MYOM1: variants seen among roughly 807,000 people sequenced by gnomAD.
The protein encoded by MYOM1 is myomesin-1.
In MYOM1, 164 loss-of-function variants were observed where a neutral mutation model predicts 205.3. The observed-to-expected ratio is 0.80, with a 90% CI of 0.70 to 0.91. The LOEUF (loss-of-function observed/expected upper bound fraction) is 0.91. Ranked by LOEUF, MYOM1 falls within the 40% of genes least tolerant of loss-of-function variation. The pLI is 0.00. For missense variants in MYOM1, 2,011 were observed against 2,127.3 expected (o/e 0.95, Z 1.08); for synonymous variants, 772 against 789.4 (o/e 0.98, Z 0.37).
intron 5 of MYOM1, among the ~76,000 whole-genome samples, chr18:3,182,100 T>C (rs983422415): frequency 6.6e-6 from 1 of 152,080 alleles, no homozygotes; most frequent in African/African-American, 2.4e-5. Flanking sequence ...GTGTCCAACA[T>C]ATAGATATGA....
the MYOM1 span, among the ~76,000 whole-genome samples, chr18:3,225,102 C>T: frequency 1.3e-5 from 2 of 152,248 alleles, no homozygotes; most frequent in Non-Finnish European, 1.5e-5. Flanking sequence ...GTTCTCCTGC[C>T]TCAGCCTCCT....
intron 2 of MYOM1, among the ~76,000 whole-genome samples, chr18:3,206,768 C>G (rs981737224): frequency 1.3e-5 from 2 of 152,110 alleles, no homozygotes; most frequent in Non-Finnish European, 2.9e-5. Flanking sequence ...AAGTAGAAAG[C>G]TGAAGAGTCC....
rs1312267439 is a variant in MYOM1, at chr18:3,126,794, A to G, written c.2898T>C (p.Thr966=). Residue 966 remains threonine (T), a synonymous_variant, in exon 19 of 38, where the codon ACT becomes ACC. Coordinates refer to ENST00000356443, the MANE Select transcript of MYOM1 (RefSeq NM_003803.4). ...QPDKIGGAEI[T]GYYVNYREVI... ...CCTCGCGATAGTTCACATAATAGCC[A>G]GTAATTTCTGCCCCTCCAATCTTAT... The G allele has an allele frequency of 1.9e-6, 3 of 1,613,974 alleles. No homozygotes were observed. The highest frequency in any genetic ancestry group is 2.2e-5 in the South Asian group (2 of 91,048).
intron 10 of MYOM1, among the ~76,000 whole-genome samples, chr18:3,161,550 T>G (rs1457662333): frequency 1.3e-5 from 2 of 152,184 alleles, no homozygotes; most frequent in Non-Finnish European, 2.9e-5. Context: ...CTCCCTTTCT[T>G]TCTCCTCCCC....
At position 3,152,726 on chromosome 18, in the gene MYOM1, C is replaced by A. The variant is rs769192217; in HGVS notation, c.1644-833G>T. ...AGAGTGCTGTACTTTTAGCTCATAT[C>A]ATTTCCCCAACATGGGCTCTATGTC... On this transcript the variant is annotated intron_variant, in intron 11 of 37. Coordinates refer to ENST00000356443, the MANE Select transcript of MYOM1 (RefSeq NM_003803.4). The surrounding 1 kb of genome is among the most constrained non-coding windows in gnomAD (Gnocchi z 4.3). 2.6e-5 allele frequency among the ~76,000 whole-genome samples: 4 copies of A among 152,138 alleles called. No individual in the cohort carries two copies. Among genetic ancestry groups the A allele is most frequent in the African/African-American group, 9.7e-5 (4 of 41,412 alleles).
At chr18:3,228,382 A>G in the MYOM1 span, among the ~76,000 whole-genome samples, 1 of 152,240 alleles carries the variant, frequency 6.6e-6, no homozygotes, top group Admixed American at 6.5e-5. This position sits in a 1 kb window ranked among gnomAD's most constrained non-coding sequence, Gnocchi z 4.5. Flanking sequence ...CTATATGAAC[A>G]GTCCTGCAGA....
chr18:3,099,178 T>C (rs2079345800), intron 25 of MYOM1, among the ~76,000 whole-genome samples: 2 of 152,184 alleles, frequency 1.3e-5, no homozygotes, highest in Admixed American at 6.6e-5. Context: ...AGCCTCACTA[T>C]CAAACAAGTC....
rs1662316 is a variant in MYOM1 at position 3,215,158 on chromosome 18, C to A, written c.66G>T (p.Val22=). 1.4e-5 allele frequency: 23 copies of A among 1,613,434 alleles called. No individual in the cohort carries two copies. Among genetic ancestry groups the A allele is most frequent in the Middle Eastern group, 1.6e-4 (1 of 6,084 alleles). The part of the protein sequence containing the change: ...HYDLSYRNKD[V]RSTVSHYQRE... ...GCTGGTAGTGACTCACGGTGCTGCG[C>A]ACGTCCTTGTTGCGGTAGCTGAGAT... Residue 22 remains valine (V), a synonymous_variant, in exon 2 of 38, where the codon GTG becomes GTT. Transcript: ENST00000356443.
intron 11 of MYOM1, among the ~76,000 whole-genome samples, 195 bp downstream of exon 11, chr18:3,154,752 T>A (rs2080269824): frequency 6.7e-6 from 1 of 150,088 alleles, no homozygotes; most frequent in South Asian, 2.1e-4. Flanking sequence ...GATATATACA[T>A]ACAGAGAGAA....
At chr18:3,101,314 T>C (rs1420697914) in intron 23 of MYOM1, among the ~76,000 whole-genome samples, 1 of 152,222 alleles carries the variant, frequency 6.6e-6, no homozygotes, top group Non-Finnish European at 1.5e-5. Flanking sequence ...CTTTATCATA[T>C]CAATCCAATG....
At chr18:3,236,944 C>T in the MYOM1 span, among the ~76,000 whole-genome samples, 4 of 151,988 alleles carry the variant, frequency 2.6e-5, no homozygotes, top group Non-Finnish European at 5.9e-5. Flanking sequence ...ATCCTGGAAG[C>T]CAGAGAAGAA....
At chr18:3,226,101 T>C in the MYOM1 span, among the ~76,000 whole-genome samples, 1 of 152,214 alleles carries the variant, frequency 6.6e-6, no homozygotes, top group Non-Finnish European at 1.5e-5. This position sits in a 1 kb window ranked among gnomAD's most constrained non-coding sequence, Gnocchi z 4.6. Flanking sequence ...CAAAATTCCA[T>C]TTCATGAATC....
At chr18:3,217,260 C>A (rs1441787947) in intron 1 of MYOM1, 1 of 152,328 alleles carries the variant, frequency 6.6e-6, no homozygotes, top group Non-Finnish European at 1.5e-5. Flanking sequence ...ACAGGGGTAG[C>A]AGCGAAAGTG....
intron 13 of MYOM1, 56 bp from the exon 14 acceptor site, chr18:3,142,119 C>G: frequency 2.5e-6 from 4 of 1,587,430 alleles, no homozygotes; most frequent in Non-Finnish European, 3.4e-6. Context: ...CCAGGATACT[C>G]AGAGAGCCAA....
chr18:3,079,592 C>G (rs2079061590), intron 33 of MYOM1, among the ~76,000 whole-genome samples: 1 of 151,546 alleles, frequency 6.6e-6, no homozygotes, highest in Non-Finnish European at 1.5e-5. Flanking sequence ...AGGCCCAGTG[C>G]AAATCACAAT....
At chr18:3,082,386 C>G (rs78897507) in intron 33 of MYOM1, among the ~76,000 whole-genome samples, 2,098 of 152,300 alleles carry the variant, frequency 0.014, 42 homozygotes, top group African/African-American at 0.048. Context: ...CCGGTCACCT[C>G]CCCGAGCCCT....
intron 5 of MYOM1, among the ~76,000 whole-genome samples, chr18:3,176,927 CATGTT>C (rs1300029289): frequency 4.0e-5 from 6 of 150,772 alleles, no homozygotes; most frequent in African/African-American, 1.2e-4. Flanking sequence ...TTTTTGTGTG[CATGTT>C]ATATTATAAT....
chr18:3,114,794 T>C (rs977631338), intron 21 of MYOM1, among the ~76,000 whole-genome samples: 1 of 152,150 alleles, frequency 6.6e-6, no homozygotes, highest in Admixed American at 6.5e-5. Flanking sequence ...GTTGATAAAA[T>C]GTAAGAACTC....
At position 3,214,919 on chromosome 18, in the gene MYOM1, G is replaced by A; in HGVS notation, c.290+15C>T. 6.4e-7 allele frequency: 1 copy of A among 1,563,402 alleles called. No homozygotes were observed. Among genetic ancestry groups the A allele is most frequent in the South Asian group, 1.2e-5 (1 of 83,698 alleles). On this transcript the variant is annotated intron_variant, in intron 2 of 37. Coordinates refer to ENST00000356443, the MANE Select transcript of MYOM1 (RefSeq NM_003803.4). ...TTCCTGAGGTTGGAAGGTTGGAGGA[G>A]GGCGTCCGACATACCCATGGGAGGA...
Sources: gnomAD v4.1 joint callset for allele counts (sites outside exome capture counted in the v4.1 genomes callset) on GRCh38, gnomAD v4.1.1 for gene constraint, Gnocchi (gnomAD v3.1) non-coding constraint, MANE v1.5 for transcripts, NCBI Gene and HGNC (gene_info 2026-07-23, HGNC 2026-07-21) for gene names.